The following PELI2 variants were observed in gnomAD, a reference collection of about 807,000 sequenced individuals.
PELI2 encodes the protein pellino E3 ubiquitin protein ligase family member 2.
A neutral mutation model predicts 42.3 loss-of-function variants in PELI2; 23 were observed. The ratio of observed to expected loss-of-function variants is 0.54; its 90% CI spans 0.39 to 0.77. PELI2 has a LOEUF of 0.77. PELI2 is among the 30% of genes least tolerant of loss of function. PELI2 has a pLI of 0.00. For missense variants in PELI2, 463 were observed against 553.2 expected (o/e 0.84, Z 1.64); for synonymous variants, 245 against 212.2 (o/e 1.15, Z -1.34).
chr14:56,175,277 T>G lies in PELI2; in HGVS notation c.78-3058T>G, dbSNP rs541780935. Among the ~76,000 whole-genome samples, 9 of 152,354 alleles carry G rather than the reference T, an allele frequency of 5.9e-5. No individual in the cohort carries two copies. In the South Asian group the frequency reaches 1.7e-3, roughly 28 times the overall value. On this transcript the variant is annotated intron_variant, in intron 1 of 5. Transcript: ENST00000267460. ...TCCCAAAGTGCTGGAATTACAGGCATGAGCCAACGTGCCTGGCCAAGATTT... is the reference window on the plus strand; with the variant it reads ...TCCCAAAGTGCTGGAATTACAGGCAGGAGCCAACGTGCCTGGCCAAGATTT...
chr14:56,119,197 C>T (rs1882969926), intron 1 of PELI2: 1 of 151,956 alleles, frequency 6.6e-6, no homozygotes, highest in Non-Finnish European at 1.5e-5. Flanking sequence ...TTCCCACCTC[C>T]CTCGCGGACC....
At chr14:56,257,814 A>G (rs563523171) in intron 2 of PELI2, among the ~76,000 whole-genome samples, 49 of 152,210 alleles carry the variant, frequency 3.2e-4, no homozygotes, top group Non-Finnish European at 5.9e-4. Flanking sequence ...AAACAGCCCT[A>G]TGATCTGAGT....
chr14:56,158,194 AT>A (rs1404012901), intron 1 of PELI2, among the ~76,000 whole-genome samples: 1 of 151,900 alleles, frequency 6.6e-6, no homozygotes, highest in Non-Finnish European at 1.5e-5. Flanking sequence ...CGCCTGGCTA[AT>A]TTTTGTATTT....
rs574807228 is a variant in PELI2, at chr14:56,219,522, C to A, written c.207+41058C>A. On this transcript the variant is annotated intron_variant, in intron 2 of 5. Transcript: ENST00000267460. The surrounding 1 kb of genome is among the most constrained non-coding windows in gnomAD (Gnocchi z 4.1). ...AGTCATAGCTCTCTCATCTGAGCAG[C>A]CTCTCCCTCAATCTTACAAACAGTA... is the stretch of plus-strand genomic sequence containing the variant. Among the ~76,000 whole-genome samples, 2 of 152,280 alleles carry A rather than the reference C, an allele frequency of 1.3e-5. No homozygotes were observed. The highest frequency in any genetic ancestry group is 4.8e-5 in the African/African-American group (2 of 41,554).
At chr14:56,250,110 T>A (rs1888293175) in intron 2 of PELI2, among the ~76,000 whole-genome samples, 1 of 152,186 alleles carries the variant, frequency 6.6e-6, no homozygotes, top group Admixed American at 6.5e-5. Context: ...AATGCCATGT[T>A]TTCTGCCCAA....
intron 2 of PELI2, among the ~76,000 whole-genome samples, chr14:56,234,172 C>G (rs1348006338): frequency 6.6e-6 from 1 of 152,176 alleles, no homozygotes; most frequent in African/African-American, 2.4e-5. Flanking sequence ...ACTAGTTCAA[C>G]CATTGTGGGA....
At chr14:56,188,949 C>T (rs930796469) in intron 2 of PELI2, among the ~76,000 whole-genome samples, 2 of 152,052 alleles carry the variant, frequency 1.3e-5, no homozygotes, top group African/African-American at 4.8e-5. Context: ...CACCTGAGGT[C>T]AGGAGTTCGA....
At chr14:56,144,387 C>T (rs1455990962) in intron 1 of PELI2, among the ~76,000 whole-genome samples, 1 of 152,222 alleles carries the variant, frequency 6.6e-6, no homozygotes, top group African/African-American at 2.4e-5. Flanking sequence ...TGAGCCAAAG[C>T]TGATGTCCAC....
chr14:56,223,906 C>T (rs1887245639), intron 2 of PELI2, among the ~76,000 whole-genome samples: 1 of 152,086 alleles, frequency 6.6e-6, no homozygotes, highest in Non-Finnish European at 1.5e-5. Flanking sequence ...ACTTGTTTTC[C>T]CGTACCATCC....
intron 2 of PELI2, among the ~76,000 whole-genome samples, chr14:56,212,799 T>C (rs1043697715): frequency 2.9e-4 from 44 of 152,202 alleles, no homozygotes; most frequent in Non-Finnish European, 5.3e-4. Flanking sequence ...AGGGGATGTG[T>C]TCCAGTGGCC....
rs146766977 is a variant in PELI2, at chr14:56,262,327, A to C, written c.208-17349A>C. Among the ~76,000 whole-genome samples the C allele has an allele frequency of 4.9e-4, 74 of 152,332 alleles. No homozygotes were observed. The East Asian group carries it at 9.4e-3, about 19-fold the overall frequency. ...TGCATGGATAGACTTTTTAATCAAT[A>C]ATAATAGTCATATTGACTTAATAAT... On this transcript the variant is annotated intron_variant, in intron 2 of 5. Coordinates refer to ENST00000267460, the MANE Select transcript of PELI2 (RefSeq NM_021255.3).
chr14:56,280,861 T>C (rs1331971692), intron 3 of PELI2, among the ~76,000 whole-genome samples: 1 of 152,122 alleles, frequency 6.6e-6, no homozygotes, highest in Non-Finnish European at 1.5e-5. Flanking sequence ...TACTGTACAG[T>C]AATCACTTTT....
rs76882831 is a variant in PELI2, at chr14:56,193,263, G to T, written c.207+14799G>T. On this transcript the variant is annotated intron_variant, in intron 2 of 5. Coordinates refer to ENST00000267460, the MANE Select transcript of PELI2 (RefSeq NM_021255.3). ...AGCCCAAGACAGAGGGTAGTGAGATGCCCCCAGATGGGAGTATGGGCTGGA... is the reference window on the plus strand; with the variant it reads ...AGCCCAAGACAGAGGGTAGTGAGATTCCCCCAGATGGGAGTATGGGCTGGA... 3.6e-3 allele frequency among the ~76,000 whole-genome samples: 547 copies of T among 152,280 alleles called. 2 individuals carry two copies. The highest frequency in any genetic ancestry group is 0.012 in the African/African-American group (508 of 41,546).
chr14:56,143,630 T>C (rs1883996232), intron 1 of PELI2, among the ~76,000 whole-genome samples: 2 of 152,258 alleles, frequency 1.3e-5, no homozygotes, highest in South Asian at 4.1e-4. Context: ...CAGTTTTTTA[T>C]ATCAAAATGG....
At chr14:56,285,603 A>G (rs1889619411) in intron 3 of PELI2, among the ~76,000 whole-genome samples, 1 of 152,148 alleles carries the variant, frequency 6.6e-6, no homozygotes, top group Non-Finnish European at 1.5e-5. Flanking sequence ...AGTACCAGGT[A>G]GAGATGGACC....
chr14:56,173,465 C>T (rs1885253962), intron 1 of PELI2, among the ~76,000 whole-genome samples: 1 of 151,912 alleles, frequency 6.6e-6, no homozygotes, highest in East Asian at 1.9e-4. Flanking sequence ...TTCTCTAATC[C>T]TCCAGTTCAT....
chr14:56,282,382 T>C (rs553015986), intron 3 of PELI2, among the ~76,000 whole-genome samples: 212 of 152,124 alleles, frequency 1.4e-3, no homozygotes, highest in African/African-American at 4.4e-3. Context: ...TTAAATAATA[T>C]GAAATATTAC....
chr14:56,211,881 C>G (rs1335282944), intron 2 of PELI2, among the ~76,000 whole-genome samples: 1 of 152,026 alleles, frequency 6.6e-6, no homozygotes, highest in Non-Finnish European at 1.5e-5. Flanking sequence ...GACCAAAACT[C>G]AAGATCCATA....
At chr14:56,227,474 A>G (rs1887399342) in intron 2 of PELI2, among the ~76,000 whole-genome samples, 1 of 152,232 alleles carries the variant, frequency 6.6e-6, no homozygotes, top group South Asian at 2.1e-4. Context: ...ACAAAAATGG[A>G]AAGGAGAAAA....
Sources: allele counts gnomAD v4.1 joint callset (sites outside exome capture counted in the v4.1 genomes callset), GRCh38; gene constraint gnomAD v4.1.1; non-coding constraint Gnocchi (gnomAD v3.1); transcripts MANE v1.5; gene names NCBI Gene and HGNC (gene_info 2026-07-23, HGNC 2026-07-21).